The following VMP1 variants were observed in gnomAD, a reference collection of about 807,000 sequenced individuals.
VMP1 encodes vacuole membrane protein 1.
A neutral mutation model predicts 56.0 loss-of-function variants in VMP1; 11 were observed. The ratio of observed to expected loss-of-function variants is 0.20; its 90% CI spans 0.12 to 0.32. VMP1 has a LOEUF of 0.32. Ranked by LOEUF, VMP1 falls within the 10% of genes least tolerant of loss-of-function variation. VMP1 has a pLI of 1.00. For missense variants in VMP1, 296 were observed against 490.3 expected, an observed-to-expected ratio of 0.60 and a Z score of 3.74; for synonymous variants, 149 against 165.0, an observed-to-expected ratio of 0.90 and a Z score of 0.74.
intron 7 of VMP1, among the ~76,000 whole-genome samples, chr17:59,800,239 A>T (rs1207067084): frequency 1.3e-5 from 2 of 152,224 alleles, no homozygotes; most frequent in East Asian, 3.8e-4. Flanking sequence ...TAATTGTATA[A>T]TGTATTTCAT....
intron 6 of VMP1, among the ~76,000 whole-genome samples, chr17:59,772,461 T>C (rs539986563): frequency 1.3e-5 from 2 of 152,078 alleles, no homozygotes; most frequent in Admixed American, 6.6e-5. Context: ...ATGCTTAACA[T>C]TGCTTTTTAA....
At chr17:59,791,850 A>C (rs756633441) in intron 7 of VMP1, among the ~76,000 whole-genome samples, 6 of 152,200 alleles carry the variant, frequency 3.9e-5, no homozygotes, top group Non-Finnish European at 5.9e-5. Context: ...TTGCTTGCTG[A>C]AGTGTGCAAA....
intron 11 of VMP1, 70 bp downstream of exon 11, chr17:59,838,467 C>G: frequency 6.6e-7 from 1 of 1,507,912 alleles, no homozygotes; most frequent in Non-Finnish European, 9.2e-7. Flanking sequence ...ACAGCTCTCA[C>G]TCACATTTTT....
At chr17:59,717,214 C>T (rs2143721753) in intron 1 of VMP1, among the ~76,000 whole-genome samples, 1 of 152,256 alleles carries the variant, frequency 6.6e-6, no homozygotes. Context: ...TCGTGATCCG[C>T]CCGCTTCGGC....
chr17:59,720,274 T>G (rs1033839518), intron 1 of VMP1, among the ~76,000 whole-genome samples: 1 of 152,250 alleles, frequency 6.6e-6, no homozygotes, highest in Non-Finnish European at 1.5e-5. Flanking sequence ...TAAAAATGAT[T>G]ATTTCATCTT....
chr17:59,812,057 C>T (rs2038069962), intron 9 of VMP1, among the ~76,000 whole-genome samples: 3 of 151,604 alleles, frequency 2.0e-5, no homozygotes, highest in Admixed American at 6.6e-5. Context: ...ACTATTTATC[C>T]AGGACTTTCA....
chr17:59,744,357 G>A (rs1267964452), intron 5 of VMP1, among the ~76,000 whole-genome samples: 4 of 150,666 alleles, frequency 2.7e-5, no homozygotes, highest in African/African-American at 7.3e-5. Context: ...AGCTACTCAG[G>A]AGGCTGAGGC....
chr17:59,816,599 A>C (rs375396551), intron 9 of VMP1, among the ~76,000 whole-genome samples: 1 of 151,914 alleles, frequency 6.6e-6, no homozygotes, highest in Non-Finnish European at 1.5e-5. Context: ...AGGTCAGGAG[A>C]TCGAGACCAT....
chr17:59,795,537 C>T (rs901175491), intron 7 of VMP1, among the ~76,000 whole-genome samples: 1 of 146,822 alleles, frequency 6.8e-6, no homozygotes, highest in Non-Finnish European at 1.5e-5. Context: ...AATGGTCGGG[C>T]ATGGTGGCTC....
At chr17:59,783,562 G>C (rs1381606666) in intron 7 of VMP1, among the ~76,000 whole-genome samples, 1 of 152,086 alleles carries the variant, frequency 6.6e-6, no homozygotes, top group Non-Finnish European at 1.5e-5. Context: ...TTTTATGCAA[G>C]GTTTAATTAT....
At chr17:59,718,100 T>C (rs999962861) in intron 1 of VMP1, among the ~76,000 whole-genome samples, 2 of 152,016 alleles carry the variant, frequency 1.3e-5, no homozygotes, top group African/African-American at 4.8e-5. Flanking sequence ...AGATTCTGAA[T>C]GTTTTTAAAT....
At chr17:59,828,610 G>A (rs2038715114) in intron 10 of VMP1, among the ~76,000 whole-genome samples, 1 of 152,180 alleles carries the variant, frequency 6.6e-6, no homozygotes, top group South Asian at 2.1e-4. Flanking sequence ...TTTAGAAGGT[G>A]CCAGGGACTG....
intron 9 of VMP1, among the ~76,000 whole-genome samples, chr17:59,816,587 C>T (rs1020362107): frequency 1.2e-4 from 19 of 152,032 alleles, no homozygotes; most frequent in South Asian, 4.1e-4. Context: ...GGGCAGATCA[C>T]GAGGTCAGGA....
chr17:59,772,782 A>G (rs922494837), intron 6 of VMP1, among the ~76,000 whole-genome samples: 2 of 151,868 alleles, frequency 1.3e-5, no homozygotes, highest in Admixed American at 1.3e-4. Flanking sequence ...AAAAAAAAGA[A>G]AAAGAAAACT....
chr17:59,790,660 A>G (rs1437025054), intron 7 of VMP1, among the ~76,000 whole-genome samples: 1 of 152,096 alleles, frequency 6.6e-6, no homozygotes, highest in African/African-American at 2.4e-5. Context: ...CAGTAGTGGC[A>G]TGTGCCTGTA....
intron 9 of VMP1, among the ~76,000 whole-genome samples, chr17:59,816,360 T>C (rs1246701525): frequency 6.6e-6 from 1 of 152,258 alleles, no homozygotes; most frequent in African/African-American, 2.4e-5. Context: ...CCCCTGCTTT[T>C]CTTCACAAAT....
At chr17:59,737,381 GA>G in intron 3 of VMP1, 71 bp from the exon 4 acceptor site, 1 of 1,483,470 alleles carries the variant, frequency 6.7e-7, no homozygotes, top group Non-Finnish European at 9.1e-7. Flanking sequence ...GTTTCAGCAA[GA>G]AATTGTTCTG....
intron 7 of VMP1, among the ~76,000 whole-genome samples, chr17:59,790,731 C>T (rs1461267725): frequency 6.6e-6 from 1 of 152,144 alleles, no homozygotes; most frequent in African/African-American, 2.4e-5. Context: ...GCAGAGGCTG[C>T]AGTGAGCCAT....
chr17:59,775,893 A>C (rs1035957583), intron 7 of VMP1, among the ~76,000 whole-genome samples: 1 of 152,196 alleles, frequency 6.6e-6, no homozygotes, highest in African/African-American at 2.4e-5. Flanking sequence ...GAAAATTCCT[A>C]AAAACCTTGT....
Sources: gnomAD v4.1 joint callset for allele counts (sites outside exome capture counted in the v4.1 genomes callset) on GRCh38, gnomAD v4.1.1 for gene constraint, MANE v1.5 for transcripts, NCBI Gene and HGNC (gene_info 2026-07-23, HGNC 2026-07-21) for gene names.